Variants in CACNA1C observed in about 807,000 individuals in gnomAD.
The protein encoded by CACNA1C is voltage-dependent L-type calcium channel subunit alpha-1C.
A neutral mutation model predicts 229.0 loss-of-function variants in CACNA1C; 30 were observed. The observed-to-expected ratio is 0.13, with a 90% CI of 0.10 to 0.18. The LOEUF (loss-of-function observed/expected upper bound fraction) is 0.18, where lower values mean the gene tolerates loss of function less well. Ranked by LOEUF, CACNA1C falls within the 10% of genes least tolerant of loss-of-function variation. The pLI is 1.00. For missense variants in CACNA1C, 1,658 were observed against 2,845.0 expected (o/e 0.58, Z 9.49); for synonymous variants, 1,114 against 1,132.5 (o/e 0.98, Z 0.33).
chr12:2,259,795 G>C (rs1406155207), intron 3 of CACNA1C, among the ~76,000 whole-genome samples: 1 of 152,152 alleles, frequency 6.6e-6, no homozygotes. Context: ...AATTAGCCAG[G>C]CATGGTGGCA....
intron 9 of CACNA1C, among the ~76,000 whole-genome samples, chr12:2,521,893 C>T (rs1426289212): frequency 6.6e-6 from 1 of 152,216 alleles, no homozygotes; most frequent in Admixed American, 6.5e-5. Flanking sequence ...AATGTGTCTC[C>T]ATGGGTACAG....
chr12:2,490,052 C>T (rs1386855496), intron 6 of CACNA1C, among the ~76,000 whole-genome samples: 2 of 152,230 alleles, frequency 1.3e-5, no homozygotes, highest in African/African-American at 2.4e-5. Context: ...TTCGCTTTAG[C>T]GCTTTTTATA....
intron 3 of CACNA1C, among the ~76,000 whole-genome samples, chr12:2,190,217 G>T (rs1040664282): frequency 2.0e-5 from 3 of 152,200 alleles, no homozygotes; most frequent in Non-Finnish European, 4.4e-5. Context: ...GTGAAATGGC[G>T]TGTTTAAACA....
At chr12:2,187,349 A>G (rs1419048830) in intron 3 of CACNA1C, among the ~76,000 whole-genome samples, 2 of 152,180 alleles carry the variant, frequency 1.3e-5, no homozygotes, top group Non-Finnish European at 2.9e-5. Context: ...CAGCCCCCAT[A>G]GCAGCCTCTC....
rs140236367 is a variant in CACNA1C, at chr12:1,983,612, A to G, written c.139+12411A>G. On this transcript the variant is annotated intron_variant, in intron 1 of 46. Transcript: ENST00000682462. ...ACTTTGTATGATTTCAACTCTTTAA[A>G]AATTTTTAAGGTTTGCTTTATGACC... is the stretch of plus-strand genomic sequence containing the variant. Among the ~76,000 whole-genome samples, 81 of 152,188 alleles carry G rather than the reference A, an allele frequency of 5.3e-4. 1 individual carries two copies. The East Asian group carries it at 0.012, about 23-fold the overall frequency.
rs115875568 is a variant in CACNA1C at position 2,260,171 on chromosome 12, A to G, written c.477+139741A>G. 9.1e-3 allele frequency among the ~76,000 whole-genome samples: 1,392 copies of G among 152,194 alleles called. 19 individuals are homozygous for G. Among genetic ancestry groups the G allele is most frequent in the African/African-American group, 0.032 (1,332 of 41,524 alleles). Reference sequence around the variant, plus strand: ...ATTTTGGCCTGACTTGGCTGACACAATCTGGGGAAAAAAGAGAAGTATGGG... The same window carrying G: ...ATTTTGGCCTGACTTGGCTGACACAGTCTGGGGAAAAAAGAGAAGTATGGG... On this transcript the variant is annotated intron_variant, in intron 3 of 46. Transcript: ENST00000399655.
intron 3 of CACNA1C, among the ~76,000 whole-genome samples, chr12:2,370,063 G>C (rs140095949): frequency 2.6e-5 from 4 of 152,098 alleles, no homozygotes; most frequent in Non-Finnish European, 4.4e-5. Context: ...GGCAAAGGAC[G>C]TGAACAGATT....
At chr12:2,177,875 G>A (rs542463855) in intron 3 of CACNA1C, among the ~76,000 whole-genome samples, 1 of 152,130 alleles carries the variant, frequency 6.6e-6, no homozygotes, top group East Asian at 1.9e-4. Flanking sequence ...GACCTCGGGT[G>A]ATCCATCCGC....
intron 3 of CACNA1C, among the ~76,000 whole-genome samples, chr12:2,357,664 T>TA (rs550833961): frequency 0.25 from 32,955 of 129,836 alleles, 4,188 homozygotes; most frequent in East Asian, 0.38. Context: ...TTTTTTTCCT[T>TA]AAAAAAAAAA....
chr12:2,292,726 G>A (rs1240495961), intron 3 of CACNA1C, among the ~76,000 whole-genome samples: 2 of 152,198 alleles, frequency 1.3e-5, no homozygotes, highest in Non-Finnish European at 2.9e-5. Flanking sequence ...CCAGCTTTAG[G>A]CGGCCTGGGG....
At position 2,665,350 on chromosome 12, in the gene CACNA1C, C is replaced by T. The variant is rs182409184; in HGVS notation, c.4399-231C>T. Among the ~76,000 whole-genome samples, 426 of 152,256 alleles carry T rather than the reference C, an allele frequency of 2.8e-3. 7 individuals carry two copies. Among genetic ancestry groups the T allele is most frequent in the African/African-American group, 9.9e-3 (413 of 41,540 alleles). ...TCCTGCACAGCCCTGCCCAGCAGCT[C>T]GGTAGGAGGGAAGCTGTCCAGCCCA... On this transcript the variant is annotated intron_variant, in intron 35 of 46. Coordinates refer to ENST00000399655, the MANE Select transcript of CACNA1C (RefSeq NM_000719.7). The surrounding 1 kb of genome is among the most constrained non-coding windows in gnomAD (Gnocchi z 5.9).
intron 9 of CACNA1C, among the ~76,000 whole-genome samples, chr12:2,526,256 A>G (rs926457180): frequency 3.9e-4 from 60 of 152,150 alleles, no homozygotes; most frequent in African/African-American, 1.2e-3. Context: ...GGGCTTAATC[A>G]TGCATCCCCC....
Position 2,112,405 on chromosome 12 carries a change from C to T in CACNA1C, c.50-2819C>T, listed in dbSNP as rs564771446. Among the ~76,000 whole-genome samples, 19 of 151,648 alleles carry T rather than the reference C, an allele frequency of 1.3e-4. No individual in the cohort carries two copies. In the South Asian group the frequency reaches 3.4e-3, roughly 27 times the overall value. On this transcript the variant is annotated intron_variant, in intron 1 of 46. Coordinates refer to ENST00000399655, the MANE Select transcript of CACNA1C (RefSeq NM_000719.7). ...GGGACGAGTTACAGGAGAGATGAGA[C>T]GTCTCATTGTAGGGAGTGTCACGTC...
chr12:2,352,217 C>G (rs527455930), intron 3 of CACNA1C, among the ~76,000 whole-genome samples: 32 of 152,292 alleles, frequency 2.1e-4, no homozygotes, highest in Non-Finnish European at 1.6e-4. Flanking sequence ...GAGGCACCGA[C>G]TTGAAGACAT....
At chr12:2,190,487 C>T (rs1282946000) in intron 3 of CACNA1C, among the ~76,000 whole-genome samples, 1 of 152,132 alleles carries the variant, frequency 6.6e-6, no homozygotes, top group Non-Finnish European at 1.5e-5. Flanking sequence ...TGTTGGGTTC[C>T]ACTAGGCCCT....
chr12:2,573,151 G>A (rs1235203357), intron 13 of CACNA1C, among the ~76,000 whole-genome samples: 1 of 152,122 alleles, frequency 6.6e-6, no homozygotes, highest in Non-Finnish European at 1.5e-5. Flanking sequence ...CTGGGCTCAA[G>A]TGATACTCCA....
intron 1 of CACNA1C, among the ~76,000 whole-genome samples, chr12:2,105,634 CCCGGGGAGGGTTTCCACCTCAG>C (rs1235629715): frequency 4.0e-4 from 44 of 110,036 alleles, no homozygotes; most frequent in African/African-American, 1.4e-3. Flanking sequence ...GGGTGCCCAC[CCCGGGGAGGGTTTCCACCTCAG>C]CTGGGCATCC....
intron 9 of CACNA1C, 56 bp downstream of exon 9, chr12:2,513,040 A>T: frequency 6.9e-7 from 1 of 1,457,910 alleles, no homozygotes; most frequent in Non-Finnish European, 9.4e-7. Flanking sequence ...AGGAGACAGC[A>T]TCGGGGTCAG....
chr12:2,462,013 G>C (rs2099509065), intron 5 of CACNA1C, among the ~76,000 whole-genome samples: 1 of 152,088 alleles, frequency 6.6e-6, no homozygotes, highest in Non-Finnish European at 1.5e-5. Context: ...TGCCCAGAGT[G>C]AGCGCCAAAG....
Sources: allele counts gnomAD v4.1 joint callset (sites outside exome capture counted in the v4.1 genomes callset), GRCh38; gene constraint gnomAD v4.1.1; non-coding constraint Gnocchi (gnomAD v3.1); transcripts MANE v1.5; gene names NCBI Gene and HGNC (gene_info 2026-07-23, HGNC 2026-07-21).